The following AKAP6 variants were observed in gnomAD, a reference collection of about 807,000 sequenced individuals.
AKAP6 encodes A-kinase anchoring protein 6.
AKAP6 carries 58 observed loss-of-function variants against 188.5 expected under a neutral mutation model. The ratio of observed to expected loss-of-function variants is 0.31; its 90% confidence interval spans 0.25 to 0.38. The LOEUF (loss-of-function observed/expected upper bound fraction) is 0.38, where lower values mean the gene tolerates loss of function less well. Ranked by LOEUF, AKAP6 falls within the 10% of genes least tolerant of loss-of-function variation. The probability of loss-of-function intolerance (pLI) is 1.00; values close to 1 mark genes in which losing one functional copy is unlikely to be tolerated. For synonymous variants in AKAP6, 989 were observed against 998.6 expected, an observed-to-expected ratio of 0.99 and a Z score of 0.18; for missense variants, 2,710 against 2,740.0, an observed-to-expected ratio of 0.99 and a Z score of 0.24.
intron 9 of AKAP6, among the ~76,000 whole-genome samples, chr14:32,731,834 A>G (rs1270861157): frequency 2.0e-5 from 3 of 152,056 alleles, no homozygotes; most frequent in Non-Finnish European, 2.9e-5. Flanking sequence ...AATATAATAC[A>G]TACTGGGGGA....
At chr14:32,703,040 G>A (rs1442679613) in intron 9 of AKAP6, among the ~76,000 whole-genome samples, 1 of 152,144 alleles carries the variant, frequency 6.6e-6, no homozygotes, top group Non-Finnish European at 1.5e-5. Flanking sequence ...AAGGACTAAT[G>A]CTACAACCTA....
In AKAP6 at chr14:32,822,088, C is replaced by T. The variant is rs745909027; in HGVS notation, c.4275C>T (p.Ser1425=). The T allele has an allele frequency of 9.9e-6, 16 of 1,613,918 alleles. No individual in the cohort carries two copies. The South Asian group carries it at 1.5e-4, about 16-fold the overall frequency. Residue 1425 remains serine, a synonymous_variant, in exon 13 of 14, where the codon AGC becomes AGT. Transcript: ENST00000280979. ...GGGAAAGCATTAAGCTTCCAAATAG[C>T]TCTCAGTCGTCCATTTCACCAGTGG... ...DEGESIKLPN[S]SQSSISPVGC...
At chr14:32,501,598 G>A (rs1880613119) in intron 2 of AKAP6, among the ~76,000 whole-genome samples, 2 of 152,078 alleles carry the variant, frequency 1.3e-5, no homozygotes, top group Admixed American at 6.6e-5. Flanking sequence ...AATAGGTTTG[G>A]CGAGTACAGA....
At chr14:32,432,447 A>G (rs1283628370) in intron 1 of AKAP6, among the ~76,000 whole-genome samples, 1 of 152,140 alleles carries the variant, frequency 6.6e-6, no homozygotes, top group Non-Finnish European at 1.5e-5. Flanking sequence ...TTTGGTTAAT[A>G]TTTTACTGTT....
At chr14:32,428,738 T>C (rs8015624) in intron 1 of AKAP6, among the ~76,000 whole-genome samples, 134,084 of 152,206 alleles carry the variant, frequency 0.88, 59,434 homozygotes, top group Non-Finnish European at 0.91. Context: ...TTATTCAAGT[T>C]GAATGCATTC....
intron 5 of AKAP6, among the ~76,000 whole-genome samples, chr14:32,583,612 C>T (rs2139291620): frequency 6.6e-6 from 1 of 152,356 alleles, no homozygotes; most frequent in East Asian, 1.9e-4. Flanking sequence ...CCTTCTTGAG[C>T]TGTGATGGGC....
At chr14:32,405,503 A>G (rs1889258947) in intron 1 of AKAP6, among the ~76,000 whole-genome samples, 2 of 152,154 alleles carry the variant, frequency 1.3e-5, no homozygotes, top group African/African-American at 2.4e-5. Context: ...ATAATCTCAA[A>G]TTTTCATTTA....
intron 9 of AKAP6, among the ~76,000 whole-genome samples, chr14:32,696,898 T>C (rs1223505648): frequency 6.6e-6 from 1 of 152,202 alleles, no homozygotes; most frequent in Non-Finnish European, 1.5e-5. Context: ...TAAATCTTCC[T>C]CATTTAGGCA....
intron 7 of AKAP6, among the ~76,000 whole-genome samples, chr14:32,653,710 T>C (rs1167289114): frequency 6.6e-6 from 1 of 152,196 alleles, no homozygotes; most frequent in East Asian, 1.9e-4. Flanking sequence ...GGAATAATAA[T>C]AATTATCTTG....
At position 32,400,563 on chromosome 14, in the gene AKAP6, C is replaced by CAAAAAA. The variant is rs71432051; in HGVS notation, c.-34-32886_-34-32881dup. The stretch of plus-strand genomic sequence containing the variant: ...TTCAAGATATTTAGTCCACTTTTAG[C>CAAAAAA]AAAAAAAAAAAAAAAAGACAGTAAG... On this transcript the variant is annotated intron_variant, in intron 1 of 13. Coordinates refer to ENST00000280979, the MANE Select transcript of AKAP6 (RefSeq NM_004274.5). Among the ~76,000 whole-genome samples, 9 of 73,976 alleles carry CAAAAAA rather than the reference C, an allele frequency of 1.2e-4. 1 individual carries two copies. The highest frequency in any genetic ancestry group is 1.5e-3 in the South Asian group (2 of 1,348). The allele number at this position is 73,976 out of a possible 152,430, so 48.5% of individuals were successfully genotyped here. A position where few individuals can be genotyped will look rare whatever the true frequency, so the allele number is the denominator to read the frequency against.
chr14:32,357,316 G>C (rs1037666056), intron 1 of AKAP6, among the ~76,000 whole-genome samples: 1 of 152,194 alleles, frequency 6.6e-6, no homozygotes, highest in African/African-American at 2.4e-5. Context: ...AGGAACTGTT[G>C]CTGTGCAGGG....
chr14:32,522,608 A>G (rs1346334000), intron 2 of AKAP6, among the ~76,000 whole-genome samples: 2 of 152,242 alleles, frequency 1.3e-5, no homozygotes, highest in African/African-American at 4.8e-5. Context: ...ATCACTGGCC[A>G]TCAGAGAAAT....
At chr14:32,447,051 A>C (rs541859380) in intron 2 of AKAP6, among the ~76,000 whole-genome samples, 59 of 152,192 alleles carry the variant, frequency 3.9e-4, no homozygotes, top group Non-Finnish European at 6.3e-4. Context: ...GCATCACAGT[A>C]TGAATTCCAT....
At chr14:32,466,846 TTTTC>T (rs762502177) in intron 2 of AKAP6, among the ~76,000 whole-genome samples, 13 of 142,574 alleles carry the variant, frequency 9.1e-5, no homozygotes, top group East Asian at 2.0e-4. Context: ...TATATATATA[TTTTC>T]TTTCTTAGCA....
intron 4 of AKAP6, among the ~76,000 whole-genome samples, chr14:32,573,757 C>A (rs1884598321): frequency 6.6e-6 from 1 of 152,068 alleles, no homozygotes; most frequent in Admixed American, 6.6e-5. Flanking sequence ...CGTATGTCAT[C>A]CTTATTTTCT....
Position 32,824,350 on chromosome 14 carries a change from T to C in AKAP6, c.6537T>C (p.Ser2179=), listed in dbSNP as rs1318219407. Residue 2179 remains serine, a synonymous_variant, in exon 13 of 14, where the codon TCT becomes TCC. Coordinates refer to ENST00000280979, the MANE Select transcript of AKAP6 (RefSeq NM_004274.5). ...PCFSSAPPNE[S]AVPSEAAMPL... ...TCTCTAGTGCTCCTCCAAATGAATC[T>C]GCAGTTCCCAGCGAAGCTGCAATGC... is the stretch of plus-strand genomic sequence containing the variant. 6.2e-7 allele frequency: 1 copy of C among 1,613,908 alleles called. No homozygotes were observed. Among genetic ancestry groups the C allele is most frequent in the Non-Finnish European group, 8.5e-7 (1 of 1,179,940 alleles).
intron 12 of AKAP6, among the ~76,000 whole-genome samples, chr14:32,789,330 G>A (rs778278280): frequency 1.8e-4 from 28 of 152,212 alleles, no homozygotes; most frequent in Non-Finnish European, 3.7e-4. Flanking sequence ...GTCTGGACGC[G>A]GAAGGGTCTC....
intron 11 of AKAP6, among the ~76,000 whole-genome samples, chr14:32,762,659 A>G (rs1218479963): frequency 6.6e-6 from 1 of 152,098 alleles, no homozygotes; most frequent in South Asian, 2.1e-4. Context: ...AAATTAATAC[A>G]TATTTTTTCC....
chr14:32,551,421 A>T (rs1037450897), intron 4 of AKAP6, among the ~76,000 whole-genome samples: 1 of 151,528 alleles, frequency 6.6e-6, no homozygotes, highest in Non-Finnish European at 1.5e-5. Context: ...AATAAACAAA[A>T]ATTAGCCAGG....
Sources: gnomAD v4.1 joint callset for allele counts (sites outside exome capture counted in the v4.1 genomes callset) on GRCh38, gnomAD v4.1.1 for gene constraint, MANE v1.5 for transcripts, NCBI Gene and HGNC (gene_info 2026-07-23, HGNC 2026-07-21) for gene names.